The following ENDOV variants were observed in gnomAD, a reference collection of about 807,000 sequenced individuals.
The protein encoded by ENDOV is hEndoV.
Under a neutral mutation model 39.4 loss-of-function variants are expected in ENDOV, and 37 were observed. That is an observed-to-expected ratio of 0.94 (90% CI 0.72 to 1.23). The LOEUF (loss-of-function observed/expected upper bound fraction) is 1.23. Ranked by LOEUF, ENDOV falls within the 50% of genes most tolerant of loss-of-function variation. The pLI, the probability that ENDOV is intolerant of heterozygous loss-of-function variation, is 0.00. For missense variants in ENDOV, 441 were observed against 375.7 expected (o/e 1.17, Z -1.44); for synonymous variants, 186 against 163.4 (o/e 1.14, Z -1.05).
At chr17:80,425,945 G>A (rs898939480) in intron 7 of ENDOV, among the ~76,000 whole-genome samples, 5 of 152,178 alleles carry the variant, frequency 3.3e-5, no homozygotes, top group Admixed American at 3.3e-4. Flanking sequence ...AGGTGGTGAG[G>A]TGTCCTGCCA....
At chr17:80,430,826 C>A (rs140792385) in intron 9 of ENDOV, among the ~76,000 whole-genome samples, 17 of 152,342 alleles carry the variant, frequency 1.1e-4, no homozygotes, top group African/African-American at 4.1e-4. Context: ...CCCAGAGGCA[C>A]AGCCTCAAAA....
chr17:80,429,677 A>C, intron 8 of ENDOV, 96 bp from the exon 9 acceptor site: 2 of 1,225,940 alleles, frequency 1.6e-6, no homozygotes, highest in Non-Finnish European at 2.3e-6. Context: ...CTGAGTGTCC[A>C]GGCCAAGCGC....
In ENDOV at chr17:80,425,549, A is replaced by T. The variant is rs947608527; in HGVS notation, c.643A>T (p.Met215Leu). ...CCTCTACATCTCCGTGGGCCACAGGATGAGCCTGGAGGCCGCTGTGCGCCT... is the reference window on the plus strand; with the variant it reads ...CCTCTACATCTCCGTGGGCCACAGGTTGAGCCTGGAGGCCGCTGTGCGCCT... Reference protein sequence around the residue: ...RPLYISVGHRMSLEAAVRLTC... With the variant: ...RPLYISVGHRLSLEAAVRLTC... Residue 215 changes from methionine to leucine, a missense_variant, in exon 7 of 10, where the codon ATG becomes TTG. Coordinates refer to ENST00000518137, the MANE Select transcript of ENDOV (RefSeq NM_173627.5). The T allele has an allele frequency of 6.3e-7, 1 of 1,594,662 alleles. No individual in the cohort carries two copies. The highest frequency in any genetic ancestry group is 1.3e-5 in the African/African-American group (1 of 74,664).
chr17:80,415,675 G>A lies in ENDOV; in HGVS notation c.82G>A (p.Val28Ile). ...KREQARLKAH[V>I]VDRDTEAWQR... ...GGAGCAAGCTCGGCTGAAGGCCCACGTCGTAGACCGGGACACCGAGGCGTG... is the reference window on the plus strand; with the variant it reads ...GGAGCAAGCTCGGCTGAAGGCCCACATCGTAGACCGGGACACCGAGGCGTG... The change falls in exon 2 of 10, where the codon GTC (valine) becomes ATC (isoleucine). Residue 28 changes from valine to isoleucine, a missense_variant. Coordinates refer to ENST00000518137, the MANE Select transcript of ENDOV (RefSeq NM_173627.5). 6.2e-7 allele frequency: 1 copy of A among 1,612,628 alleles called. No individual in the cohort carries two copies. The highest frequency in any genetic ancestry group is 8.5e-7 in the Non-Finnish European group (1 of 1,179,380).
At chr17:80,429,728 AGGCG>A (rs778071812) in intron 8 of ENDOV, 41 bp from the exon 9 acceptor site, 146 of 1,547,642 alleles carry the variant, frequency 9.4e-5, no homozygotes, top group Non-Finnish European at 1.3e-4. Context: ...GGTGTCAGGT[AGGCG>A]CTAGCATCTG....
At chr17:80,427,809 C>T (rs1046592439) in intron 7 of ENDOV, 14 of 1,288,400 alleles carry the variant, frequency 1.1e-5, no homozygotes, top group Non-Finnish European at 1.4e-5. Flanking sequence ...TTGCCAGGTC[C>T]AGGCTCTCCT....
chr17:80,423,485 ACCTCC>A, intron 4 of ENDOV, 30 bp from the exon 5 acceptor site: 225 of 719,540 alleles, frequency 3.1e-4, no homozygotes, highest in Non-Finnish European at 4.5e-4. Flanking sequence ...CCCCAGCCCC[ACCTCC>A]CCAACCCCAC....
At chr17:80,425,189 C>A in intron 6 of ENDOV, 89 bp downstream of exon 6, 1 of 1,181,972 alleles carries the variant, frequency 8.5e-7, no homozygotes, top group Non-Finnish European at 1.2e-6. Context: ...CACGCGTGCA[C>A]TCACACTTGC....
At chr17:80,433,145 T>G (rs577051562) in intron 9 of ENDOV, 1 of 520,096 alleles carries the variant, frequency 1.9e-6, no homozygotes, top group South Asian at 1.4e-5. Flanking sequence ...ATTAGAGGCA[T>G]TAGAAGCACA....
At chr17:80,430,159 T>G in intron 9 of ENDOV, 1 of 1,501,020 alleles carries the variant, frequency 6.7e-7, no homozygotes, top group Non-Finnish European at 8.9e-7. Context: ...CGTCATCGGC[T>G]GGTCAGCTGT....
At position 80,423,517 on chromosome 17, in the gene ENDOV, C is replaced by T. The variant is rs948723999; in HGVS notation, c.404-3C>T. 3 of 1,458,898 alleles carry T rather than the reference C, an allele frequency of 2.1e-6. No homozygotes were observed. The highest frequency in any genetic ancestry group is 2.8e-6 in the Non-Finnish European group (3 of 1,081,494). The allele number at this position is 1,458,898 out of a possible 1,614,324, so 90.4% of individuals were successfully genotyped here. A position where few individuals can be genotyped will look rare whatever the true frequency, so the allele number is the denominator to read the frequency against. On this transcript the variant is annotated splice_region_variant and splice_polypyrimidine_tract_variant and intron_variant, in intron 4 of 9. Coordinates refer to ENST00000518137, the MANE Select transcript of ENDOV (RefSeq NM_173627.5). ...CAACCCCACCCTCCTTTCTCTCTGG[C>T]AGGCTTTGGGGTGGCCTGCCACCTT...
chr17:80,435,675 C>T (rs1376388331), intron 9 of ENDOV, among the ~76,000 whole-genome samples: 2 of 151,860 alleles, frequency 1.3e-5, no homozygotes, highest in African/African-American at 2.4e-5. Flanking sequence ...TGTGCGGTGG[C>T]GTGATCTCGG....
In ENDOV at chr17:80,427,675, T is replaced by A. The variant is rs1002099771; in HGVS notation, c.715-921T>A. 3.5e-5 allele frequency: 45 copies of A among 1,270,390 alleles called. No individual in the cohort carries two copies. The Admixed American group carries it at 1.0e-3, about 29-fold the overall frequency. 78.7% of individuals were successfully genotyped at this position (1,270,390 alleles called of 1,614,324 possible). On this transcript the variant is annotated intron_variant, in intron 7 of 9. Coordinates refer to ENST00000518137, the MANE Select transcript of ENDOV (RefSeq NM_173627.5). The stretch of plus-strand genomic sequence containing the variant: ...TCACTCACCTCTCAACAGGTTCACC[T>A]CCTGCTCTGTTCCAGAAGGTCCTGG...
At position 80,421,010 on chromosome 17, in the gene ENDOV, T is replaced by A. The variant is rs149115300; in HGVS notation, c.229-818T>A. On this transcript the variant is annotated intron_variant, in intron 2 of 9. Transcript: ENST00000518137. Reference sequence around the variant, plus strand: ...TCTTCTTTAAGCCTCCAACAACCCATGGAGGGGTGGGGTGGGGCATCGGCT... The same window carrying A: ...TCTTCTTTAAGCCTCCAACAACCCAAGGAGGGGTGGGGTGGGGCATCGGCT... 1.5e-3 allele frequency among the ~76,000 whole-genome samples: 219 copies of A among 145,908 alleles called. 2 individuals are homozygous for A. The highest frequency in any genetic ancestry group is 5.1e-3 in the African/African-American group (206 of 40,450).
intron 9 of ENDOV, among the ~76,000 whole-genome samples, chr17:80,432,467 G>C (rs1230602259): frequency 1.3e-5 from 2 of 152,116 alleles, no homozygotes; most frequent in African/African-American, 4.8e-5. Flanking sequence ...AATGTCACCA[G>C]CACAAGCAGG....
chr17:80,430,673 G>A (rs2083278478), intron 9 of ENDOV, among the ~76,000 whole-genome samples: 1 of 152,238 alleles, frequency 6.6e-6, no homozygotes, highest in Non-Finnish European at 1.5e-5. Flanking sequence ...CTGGGCTGTG[G>A]GGCAGGAGGC....
Position 80,425,592 on chromosome 17 carries a change from G to A in ENDOV, c.686G>A (p.Arg229Lys). 6.3e-7 allele frequency: 1 copy of A among 1,589,702 alleles called. No homozygotes were observed. The highest frequency in any genetic ancestry group is 8.5e-7 in the Non-Finnish European group (1 of 1,173,116). ...AAVRLTCCCC[R>K]FRIPEPVRQA... is the part of the protein sequence containing the mutation. ...GTGCGCCTGACTTGCTGCTGCTGCA[G>A]GTTCCGGATCCCAGAGCCCGTGCGC... Residue 229 changes from arginine (R) to lysine (K), a missense_variant, in exon 7 of 10, where the codon AGG (arginine) becomes AAG (lysine). Arg to Lys is a conservative substitution (Grantham distance 26). Transcript: ENST00000518137.
chr17:80,428,552 C>T (rs1270295717), intron 7 of ENDOV, 44 bp from the exon 8 acceptor site: 1 of 1,549,402 alleles, frequency 6.5e-7, no homozygotes, highest in Non-Finnish European at 8.7e-7. Context: ...GGAAACTGGT[C>T]TAGAGACCAG....
In ENDOV at chr17:80,428,229, G is replaced by A. The variant is rs550403413; in HGVS notation, c.715-367G>A. ...AGTGTTAGCAGGGAAGCCTCGGCTT[G>A]CGCAGAGCCTACAGGGAAGCACAGA... is the stretch of plus-strand genomic sequence containing the variant. On this transcript the variant is annotated intron_variant, in intron 7 of 9. Transcript: ENST00000518137. Among the ~76,000 whole-genome samples the A allele has an allele frequency of 9.8e-5, 15 of 152,362 alleles. No individual in the cohort carries two copies. In the East Asian group the frequency reaches 2.9e-3, roughly 29 times the overall value.
Sources: gnomAD v4.1 joint callset for allele counts (sites outside exome capture counted in the v4.1 genomes callset) on GRCh38, gnomAD v4.1.1 for gene constraint, MANE v1.5 for transcripts, NCBI Gene and HGNC (gene_info 2026-07-23, HGNC 2026-07-21) for gene names.